The following TTC28 variants were observed in gnomAD, a reference collection of about 807,000 sequenced individuals.
TTC28 encodes the protein tetratricopeptide repeat domain 28, also known as tetratricopeptide repeat protein 28.
Under a neutral mutation model 198.0 loss-of-function variants are expected in TTC28, and 61 were observed. The observed-to-expected ratio is 0.31, with a 90% CI of 0.25 to 0.38. The LOEUF (loss-of-function observed/expected upper bound fraction) is 0.38, where lower values mean the gene tolerates loss of function less well. TTC28 is among the 10% of genes least tolerant of loss of function. The pLI is 1.00. For synonymous variants in TTC28, 1,171 were observed against 1,297.8 expected (o/e 0.90, Z 2.10); for missense variants, 2,678 against 3,164.0 (o/e 0.85, Z 3.69).
intron 12 of TTC28, among the ~76,000 whole-genome samples, chr22:28,044,707 G>T (rs967564276): frequency 8.5e-5 from 13 of 152,076 alleles, no homozygotes. Flanking sequence ...TGTGGTGTTT[G>T]GTTGAATTTT....
At chr22:28,176,235 G>T (rs539748121) in intron 5 of TTC28, among the ~76,000 whole-genome samples, 6 of 152,224 alleles carry the variant, frequency 3.9e-5, no homozygotes, top group East Asian at 1.9e-4. Context: ...TCAATAATAA[G>T]AAGACTAAAA....
intron 5 of TTC28, chr22:28,232,863 G>A (rs1267754810): frequency 2.0e-5 from 3 of 152,166 alleles, no homozygotes; most frequent in Non-Finnish European, 4.4e-5. Flanking sequence ...CACTTTGGGA[G>A]GCTAAGGTGG....
At chr22:28,165,875 C>T (rs1396938484) in intron 5 of TTC28, among the ~76,000 whole-genome samples, 2 of 152,164 alleles carry the variant, frequency 1.3e-5, no homozygotes, top group Non-Finnish European at 2.9e-5. Context: ...TTAAAAGACA[C>T]AGACTGGCAA....
chr22:28,473,503 C>A (rs2048124785), intron 2 of TTC28, among the ~76,000 whole-genome samples: 1 of 152,164 alleles, frequency 6.6e-6, no homozygotes, highest in Non-Finnish European at 1.5e-5. Context: ...TGGCAACTAC[C>A]TAGAAGTTGC....
intron 2 of TTC28, among the ~76,000 whole-genome samples, chr22:28,370,589 A>G (rs1206730513): frequency 6.6e-6 from 1 of 152,234 alleles, no homozygotes; most frequent in Non-Finnish European, 1.5e-5. Flanking sequence ...ACCAATCTGC[A>G]TATATGACTA....
At chr22:27,984,088 G>T (rs1016381711) in intron 22 of TTC28, among the ~76,000 whole-genome samples, 1 of 152,054 alleles carries the variant, frequency 6.6e-6, no homozygotes. Flanking sequence ...ACCCACCATG[G>T]CCCATCTCCA....
chr22:28,549,598 A>C (rs2049620819), intron 2 of TTC28, among the ~76,000 whole-genome samples: 1 of 152,210 alleles, frequency 6.6e-6, no homozygotes. Context: ...TTTGGTACTC[A>C]TTACAATGCC....
chr22:28,184,686 C>T (rs1351991648), intron 5 of TTC28, among the ~76,000 whole-genome samples: 7 of 151,626 alleles, frequency 4.6e-5, no homozygotes, highest in Admixed American at 6.6e-5. Flanking sequence ...CTGATAGATA[C>T]GATTTCTAAT....
chr22:28,591,671 T>C (rs566572950), intron 2 of TTC28, among the ~76,000 whole-genome samples: 3 of 152,232 alleles, frequency 2.0e-5, no homozygotes, highest in African/African-American at 7.2e-5. Flanking sequence ...TTTCACCTTA[T>C]ATAGATGTAG....
At chr22:28,437,303 G>A (rs1014065228) in intron 2 of TTC28, among the ~76,000 whole-genome samples, 2 of 151,996 alleles carry the variant, frequency 1.3e-5, no homozygotes, top group Non-Finnish European at 2.9e-5. Flanking sequence ...GGCTGGTCTC[G>A]AACTCTTAGC....
chr22:28,098,565 T>C (rs1942040718), intron 10 of TTC28, among the ~76,000 whole-genome samples: 1 of 152,020 alleles, frequency 6.6e-6, no homozygotes, highest in Non-Finnish European at 1.5e-5. Context: ...TTTTTTTTTT[T>C]TTTAAGAGAC....
rs1569171819 is a variant in TTC28, at chr22:28,163,547, T to G, written c.986A>C (p.Asp329Ala). Residue 329 changes from aspartate (D) to alanine (A), a missense_variant, in exon 6 of 23, where the codon GAC becomes GCC. Asp to Ala is a moderately radical substitution (Grantham distance 126, BLOSUM62 -2). Around this residue, in one of 8 missense-constraint regions of TTC28, gnomAD observed 775 missense variants for 845.9 expected, o/e 0.92. Coordinates refer to ENST00000397906, the MANE Select transcript of TTC28 (RefSeq NM_001145418.2). ...GTGACTGGCCAGTGCATTGGGGTAG[T>G]CTCCAATGGCTGTGTACACGTGGCC... ...SLGHVYTAIGDYPNALASHKQ... is the reference protein window; with the variant it reads ...SLGHVYTAIGAYPNALASHKQ... 6.4e-7 allele frequency: 1 copy of G among 1,551,440 alleles called. No individual in the cohort carries two copies. The highest frequency in any genetic ancestry group is 8.7e-7 in the Non-Finnish European group (1 of 1,146,882).
At chr22:28,426,778 T>C (rs562047358) in intron 2 of TTC28, among the ~76,000 whole-genome samples, 15 of 152,230 alleles carry the variant, frequency 9.9e-5, no homozygotes, top group African/African-American at 3.6e-4. Context: ...GTTTCCCCAT[T>C]AGAGGTCCAA....
intron 2 of TTC28, among the ~76,000 whole-genome samples, chr22:28,443,550 T>C (rs2146235016): frequency 6.6e-6 from 1 of 152,108 alleles, no homozygotes. Context: ...ATAGGAAAAC[T>C]TGGTTTGTGT....
chr22:28,532,793 T>C (rs1473398172), intron 2 of TTC28, among the ~76,000 whole-genome samples: 3 of 151,998 alleles, frequency 2.0e-5, no homozygotes, highest in African/African-American at 7.3e-5. Flanking sequence ...ATAAACAGAA[T>C]CAAAGACAAA....
At chr22:28,337,453 CATT>C (rs1179403972) in intron 2 of TTC28, among the ~76,000 whole-genome samples, 1 of 152,082 alleles carries the variant, frequency 6.6e-6, no homozygotes, top group Admixed American at 6.6e-5. Flanking sequence ...TAAAATCTCC[CATT>C]ATTATTGTGT....
At chr22:28,178,451 G>A (rs1229763283) in intron 5 of TTC28, among the ~76,000 whole-genome samples, 4 of 151,980 alleles carry the variant, frequency 2.6e-5, no homozygotes, top group African/African-American at 7.3e-5. Context: ...TGGGCAACAA[G>A]AGTGAAACTC....
chr22:27,996,369 G>A lies in TTC28; in HGVS notation c.5120-110C>T, dbSNP rs1013272156. On this transcript the variant is annotated intron_variant, in intron 16 of 22. Coordinates refer to ENST00000397906, the MANE Select transcript of TTC28 (RefSeq NM_001145418.2). ...GAGGTTAACCCAGCAGAAAGAGCAG[G>A]GCCTGGCAGGGGAGCAGCTCACAGG... is the stretch of plus-strand genomic sequence containing the variant. The A allele has an allele frequency of 7.7e-5, 112 of 1,449,804 alleles. No homozygotes were observed. The African/African-American group carries it at 1.4e-3, about 18-fold the overall frequency. 89.8% of individuals were successfully genotyped at this position (1,449,804 alleles called of 1,614,324 possible). A position where few individuals can be genotyped will look rare whatever the true frequency, so the allele number is the denominator to read the frequency against.
chr22:28,255,158 C>G, intron 5 of TTC28, among the ~76,000 whole-genome samples: 1 of 152,116 alleles, frequency 6.6e-6, no homozygotes, highest in East Asian at 1.9e-4. Context: ...TAAAAATGAT[C>G]TTGCAATTTT....
Sources: gnomAD v4.1 joint callset for allele counts (sites outside exome capture counted in the v4.1 genomes callset) on GRCh38, gnomAD v4.1.1 for gene constraint, gnomAD v4.1.1 regional missense constraint, MANE v1.5 for transcripts, NCBI Gene and HGNC (gene_info 2026-07-23, HGNC 2026-07-21) for gene names.